NRXN3: variants seen among roughly 807,000 people sequenced by gnomAD.
NRXN3 encodes neurexin III.
Under a neutral mutation model 137.6 loss-of-function variants are expected in NRXN3, and 32 were observed. That is an observed-to-expected ratio of 0.23 (90% CI 0.18 to 0.31). The LOEUF (loss-of-function observed/expected upper bound fraction) is 0.31. Among genes scored for constraint, NRXN3 ranks in the 10% least tolerant of loss-of-function variants. The pLI, the probability that NRXN3 is intolerant of heterozygous loss-of-function variation, is 1.00. For missense variants in NRXN3, 1,574 were observed against 2,062.5 expected (o/e 0.76, Z 4.59); for synonymous variants, 798 against 784.5 (o/e 1.02, Z -0.29).
intron 4 of NRXN3, among the ~76,000 whole-genome samples, chr14:78,512,283 CTG>C (rs1210613020): frequency 6.6e-6 from 1 of 152,176 alleles, no homozygotes; most frequent in Non-Finnish European, 1.5e-5. Context: ...ACTCACAGAA[CTG>C]TGAGAATGAC....
rs146806264 is a variant in NRXN3 at position 78,851,674 on chromosome 14, G to A, written c.2275+41330G>A. Among the ~76,000 whole-genome samples, 9 of 152,276 alleles carry A rather than the reference G, an allele frequency of 5.9e-5. No homozygotes were observed. In the East Asian group the frequency reaches 1.5e-3, roughly 26 times the overall value. On this transcript the variant is annotated intron_variant, in intron 10 of 20. Coordinates refer to ENST00000335750, the MANE Select transcript of NRXN3 (RefSeq NM_001330195.2). The stretch of plus-strand genomic sequence containing the variant: ...GAATTCACAATCTGAATCAAGCTGG[G>A]GAGGCCAGGCATGTCACTCAGATGG...
At chr14:78,304,145 G>A (rs1347473210) in intron 4 of NRXN3, among the ~76,000 whole-genome samples, 4 of 152,122 alleles carry the variant, frequency 2.6e-5, no homozygotes, top group Non-Finnish European at 5.9e-5. Flanking sequence ...GAGCAAAGGA[G>A]TCCCAATGGG....
chr14:79,488,846 T>C (rs1047308758), intron 16 of NRXN3, among the ~76,000 whole-genome samples: 1 of 152,244 alleles, frequency 6.6e-6, no homozygotes, highest in South Asian at 2.1e-4. Context: ...CTTTGGGGGA[T>C]CCCAAAATAA....
At chr14:78,279,014 G>A (rs2074018260) in intron 3 of NRXN3, among the ~76,000 whole-genome samples, 1 of 152,172 alleles carries the variant, frequency 6.6e-6, no homozygotes, top group African/African-American at 2.4e-5. Context: ...TCACACATCT[G>A]CTTATCTTCT....
chr14:79,786,301 G>T (rs1475340557), intron 19 of NRXN3, among the ~76,000 whole-genome samples: 1 of 152,160 alleles, frequency 6.6e-6, no homozygotes, highest in Non-Finnish European at 1.5e-5. Context: ...AAAAGTTAAT[G>T]AAATTGGGGC....
chr14:79,042,566 TTG>T (rs1335913052), intron 15 of NRXN3, among the ~76,000 whole-genome samples: 4 of 152,234 alleles, frequency 2.6e-5, no homozygotes, highest in African/African-American at 4.8e-5. Flanking sequence ...CCATTTTACA[TTG>T]TGTTTTTCTT....
intron 15 of NRXN3, among the ~76,000 whole-genome samples, chr14:79,061,988 T>A (rs1358217433): frequency 1.3e-5 from 2 of 152,208 alleles, no homozygotes; most frequent in African/African-American, 4.8e-5. Context: ...CACAAGCACA[T>A]AAATAAGTAG....
At position 78,915,336 on chromosome 14, in the gene NRXN3, C is replaced by T. The variant is rs559021420; in HGVS notation, c.2276-41906C>T. On this transcript the variant is annotated intron_variant, in intron 10 of 20. Coordinates refer to ENST00000335750, the MANE Select transcript of NRXN3 (RefSeq NM_001330195.2). ...ACTACGTTTCCCAAACATCTTTCTA[C>T]GTGTGAAGCAAAAAAAAAAAAAAAA... 9.5e-4 allele frequency among the ~76,000 whole-genome samples: 83 copies of T among 87,138 alleles called. 1 individual carries two copies. The South Asian group carries it at 0.013, about 13-fold the overall frequency. The allele number at this position is 87,138 out of a possible 152,430, so 57.2% of individuals were successfully genotyped here. A position where few individuals can be genotyped will look rare whatever the true frequency, so the allele number is the denominator to read the frequency against.
At chr14:78,238,546 A>C (rs1464397226) in intron 1 of NRXN3, among the ~76,000 whole-genome samples, 1 of 152,220 alleles carries the variant, frequency 6.6e-6, no homozygotes, top group Non-Finnish European at 1.5e-5. Context: ...TGCGATATTT[A>C]GTGTAAGGGC....
In NRXN3 at chr14:78,529,475, C is replaced by T. The variant is rs150209787; in HGVS notation, c.758-115645C>T. On this transcript the variant is annotated intron_variant, in intron 4 of 20. Transcript: ENST00000335750. ...ATGTCTTTTCTTTCTTTCTGGGTCT[C>T]GGACACCCTTTTGATTTCAGGTCAA... 3.9e-5 allele frequency among the ~76,000 whole-genome samples: 6 copies of T among 152,228 alleles called. No individual in the cohort carries two copies. In the East Asian group the frequency reaches 1.2e-3, roughly 29 times the overall value.
intron 19 of NRXN3, among the ~76,000 whole-genome samples, chr14:79,789,307 GA>G (rs2099138336): frequency 6.6e-6 from 1 of 152,122 alleles, no homozygotes; most frequent in East Asian, 1.9e-4. Context: ...ACATTTTAGA[GA>G]TGGCTTTGCA....
chr14:79,350,505 T>C (rs745453548), intron 15 of NRXN3, among the ~76,000 whole-genome samples: 2 of 152,198 alleles, frequency 1.3e-5, no homozygotes, highest in Non-Finnish European at 2.9e-5. Context: ...AGGCTTATCA[T>C]TTTATATTGA....
chr14:78,744,878 G>A (rs1402284126), intron 8 of NRXN3: 2 of 152,164 alleles, frequency 1.3e-5, no homozygotes, highest in African/African-American at 4.8e-5. Flanking sequence ...AAGGGCAACT[G>A]GGTCACCTTA....
chr14:78,535,697 T>C lies in NRXN3; in HGVS notation c.758-109423T>C, dbSNP rs151097872. Among the ~76,000 whole-genome samples, 634 of 152,320 alleles carry C rather than the reference T, an allele frequency of 4.2e-3. 7 individuals carry two copies. Among genetic ancestry groups the C allele is most frequent in the African/African-American group, 0.014 (594 of 41,546 alleles). On this transcript the variant is annotated intron_variant, in intron 4 of 20. Coordinates refer to ENST00000335750, the MANE Select transcript of NRXN3 (RefSeq NM_001330195.2). ...GATGCACTTAGACACTTAAATCCTG[T>C]ATTCGTTTCTTACTGTCTGTATTGT...
intron 10 of NRXN3, among the ~76,000 whole-genome samples, chr14:78,933,557 G>T (rs1346977760): frequency 6.6e-6 from 1 of 152,060 alleles, no homozygotes; most frequent in Non-Finnish European, 1.5e-5. Context: ...TTTTTTAATT[G>T]ACTTATAAAC....
chr14:78,890,785 T>C (rs1044374756), intron 10 of NRXN3, among the ~76,000 whole-genome samples: 1 of 151,920 alleles, frequency 6.6e-6, no homozygotes, highest in African/African-American at 2.4e-5. Flanking sequence ...AAACCAGAAT[T>C]ATCTTCAGGC....
At chr14:78,346,261 A>G (rs1230747752) in intron 4 of NRXN3, among the ~76,000 whole-genome samples, 3 of 152,110 alleles carry the variant, frequency 2.0e-5, no homozygotes, top group Non-Finnish European at 2.9e-5. Context: ...TCAGATGTCC[A>G]TCTTCCCAAC....
chr14:79,081,434 A>T (rs997206712), intron 15 of NRXN3, among the ~76,000 whole-genome samples: 1 of 151,990 alleles, frequency 6.6e-6, no homozygotes, highest in Admixed American at 6.6e-5. Context: ...ACCAACATGG[A>T]GAAACCGTAT....
At chr14:78,434,895 A>G (rs1040062907) in intron 4 of NRXN3, among the ~76,000 whole-genome samples, 3 of 152,190 alleles carry the variant, frequency 2.0e-5, no homozygotes, top group African/African-American at 7.2e-5. Context: ...ACAGAGGTGA[A>G]TAACAGTTCC....
Sources: gnomAD v4.1 joint callset for allele counts (sites outside exome capture counted in the v4.1 genomes callset) on GRCh38, gnomAD v4.1.1 for gene constraint, MANE v1.5 for transcripts, NCBI Gene and HGNC (gene_info 2026-07-23, HGNC 2026-07-21) for gene names.